Variants in BSPRY observed in about 807,000 individuals in gnomAD.
The protein encoded by BSPRY is B-box and SPRY domain containing.
In BSPRY, 33 loss-of-function variants were observed where a neutral mutation model predicts 38.0. The observed-to-expected ratio is 0.87, with a 90% CI of 0.66 to 1.16. BSPRY has a LOEUF of 1.16. Among genes scored for constraint, BSPRY ranks in the 50% most tolerant of loss-of-function variants. BSPRY has a pLI of 0.00. For missense variants in BSPRY, 523 were observed against 533.2 expected (o/e 0.98, Z 0.19); for synonymous variants, 224 against 228.5 (o/e 0.98, Z 0.18).
intron 3 of BSPRY, 66 bp downstream of exon 3, chr9:113,360,803 G>C: frequency 1.5e-6 from 2 of 1,328,372 alleles, no homozygotes; most frequent in South Asian, 1.3e-5. Context: ...AAAATATCGA[G>C]AATGTTTGTC....
intron 2 of BSPRY, among the ~76,000 whole-genome samples, chr9:113,358,174 G>A (rs1166306290): frequency 6.6e-6 from 1 of 151,030 alleles, no homozygotes; most frequent in African/African-American, 2.4e-5. Context: ...CTTGAGCCTA[G>A]GAGTTTGAGG....
In BSPRY at chr9:113,362,923, G is replaced by A. The variant is rs972132277; in HGVS notation, c.557+529G>A. Among the ~76,000 whole-genome samples, 5 of 152,162 alleles carry A rather than the reference G, an allele frequency of 3.3e-5. No homozygotes were observed. The East Asian group carries it at 7.7e-4, about 23-fold the overall frequency. On this transcript the variant is annotated intron_variant, in intron 4 of 5. Coordinates refer to ENST00000374183, the MANE Select transcript of BSPRY (RefSeq NM_017688.3). ...TGCCTGAGTTCTAAAAGAGCTGAGGGCCTGAGGAAGTGGCCAAGAGGACAT... is the reference window on the plus strand; with the variant it reads ...TGCCTGAGTTCTAAAAGAGCTGAGGACCTGAGGAAGTGGCCAAGAGGACAT...
chr9:113,356,613 A>G (rs1342959516), intron 2 of BSPRY, among the ~76,000 whole-genome samples: 1 of 152,232 alleles, frequency 6.6e-6, no homozygotes, highest in Non-Finnish European at 1.5e-5. Context: ...TCCAGGTGGG[A>G]AACAAGTGTG....
intron 3 of BSPRY, 108 bp downstream of exon 3, chr9:113,360,845 G>A: frequency 1.0e-6 from 1 of 954,114 alleles, no homozygotes; most frequent in Non-Finnish European, 1.6e-6. Context: ...AGAATTTGGA[G>A]CAGGGATGAG....
At position 113,360,619 on chromosome 9, in the gene BSPRY, G is replaced by A. The variant is rs757298690; in HGVS notation, c.413G>A (p.Arg138Gln). ...LLEQVHGEEERAHQSILTQRV... is the reference protein window; with the variant it reads ...LLEQVHGEEEQAHQSILTQRV... ...GAACAGGTGCATGGCGAAGAGGAGC[G>A]GGCCCACCAGAGCATCCTGACACAG... is the stretch of plus-strand genomic sequence containing the variant. The change falls in exon 3 of 6, where the codon CGG becomes CAG. Residue 138 changes from arginine (R) to glutamine (Q), a missense_variant. By Grantham distance (43) the Arg-to-Gln change is conservative. Coordinates refer to ENST00000374183, the MANE Select transcript of BSPRY (RefSeq NM_017688.3). 4.0e-5 allele frequency: 64 copies of A among 1,608,656 alleles called. No homozygotes were observed. The highest frequency in any genetic ancestry group is 5.2e-5 in the Non-Finnish European group (61 of 1,178,680).
chr9:113,360,655 G>T lies in BSPRY; in HGVS notation c.449G>T (p.Trp150Leu), dbSNP rs1352000263. 6.2e-7 allele frequency: 1 copy of T among 1,608,840 alleles called. No homozygotes were observed. The highest frequency in any genetic ancestry group is 8.5e-7 in the Non-Finnish European group (1 of 1,178,614). Reference protein sequence around the residue: ...HQSILTQRVHWAEALQKLDTI... With the variant: ...HQSILTQRVHLAEALQKLDTI... ...AGCATCCTGACACAGCGGGTGCACT[G>T]GGCCGAGGCGCTGCAGAAACTTGAC... is the stretch of plus-strand genomic sequence containing the variant. The change falls in exon 3 of 6, where the codon TGG (tryptophan) becomes TTG (leucine). Residue 150 changes from tryptophan to leucine, a missense_variant. Coordinates refer to ENST00000374183, the MANE Select transcript of BSPRY (RefSeq NM_017688.3).
At chr9:113,357,266 A>G (rs998617634) in intron 2 of BSPRY, among the ~76,000 whole-genome samples, 1 of 152,348 alleles carries the variant, frequency 6.6e-6, no homozygotes, top group South Asian at 2.1e-4. Context: ...TAACTATCTT[A>G]TCACAGGCAT....
chr9:113,350,508 C>T (rs1833955350), intron 1 of BSPRY, among the ~76,000 whole-genome samples: 3 of 152,144 alleles, frequency 2.0e-5, no homozygotes, highest in African/African-American at 7.2e-5. Flanking sequence ...GGGTGGCCAC[C>T]TCCTTGTCAT....
intron 3 of BSPRY, 125 bp downstream of exon 3, chr9:113,360,862 A>C: frequency 1.2e-6 from 1 of 862,474 alleles, no homozygotes; most frequent in Non-Finnish European, 1.8e-6. Flanking sequence ...TGAGTGACAA[A>C]GATTCTTTGC....
At chr9:113,352,009 C>T (rs1487354860) in intron 1 of BSPRY, among the ~76,000 whole-genome samples, 2 of 152,028 alleles carry the variant, frequency 1.3e-5, no homozygotes, top group Non-Finnish European at 2.9e-5. Flanking sequence ...TGGGGTTTCA[C>T]CACGTTGGCC....
intron 3 of BSPRY, among the ~76,000 whole-genome samples, chr9:113,361,615 G>C (rs1177176502): frequency 6.6e-6 from 1 of 152,174 alleles, no homozygotes; most frequent in East Asian, 1.9e-4. Context: ...CGACTTAGAA[G>C]CTGATGCCTG....
rs1337394305 is a variant in BSPRY at position 113,370,089 on chromosome 9, C to T, written c.1156C>T (p.Pro386Ser). ...TGCCCATCATGTGTCCTTCCCGGGG[C>T]CCCTCTTCCCAGTCTTTGCTGTGGC... is the stretch of plus-strand genomic sequence containing the variant. ...LCAHHVSFPGPLFPVFAVADQ... is the reference protein window; with the variant it reads ...LCAHHVSFPGSLFPVFAVADQ... Residue 386 changes from proline to serine, a missense_variant, in exon 6 of 6, where the codon CCC (proline) becomes TCC (serine). By Grantham distance (74) the Pro-to-Ser change is moderately conservative. Transcript: ENST00000374183. This position sits in a 1 kb window ranked among gnomAD's most constrained non-coding sequence, Gnocchi z 4.8. The T allele has an allele frequency of 3.1e-6, 5 of 1,608,046 alleles. No individual in the cohort carries two copies. The highest frequency in any genetic ancestry group is 4.2e-6 in the Non-Finnish European group (5 of 1,177,312).
chr9:113,358,012 C>T (rs1410789847), intron 2 of BSPRY, among the ~76,000 whole-genome samples: 1 of 144,214 alleles, frequency 6.9e-6, no homozygotes, highest in East Asian at 2.2e-4. Context: ...TTTGGGAGGC[C>T]AAGGCCAGGA....
chr9:113,359,124 A>T (rs759750166), intron 2 of BSPRY, among the ~76,000 whole-genome samples: 64 of 152,312 alleles, frequency 4.2e-4, no homozygotes, highest in Non-Finnish European at 6.8e-4. Flanking sequence ...TGTTCTACTT[A>T]CTTTATATAT....
intron 1 of BSPRY, among the ~76,000 whole-genome samples, chr9:113,353,035 G>A (rs1010559773): frequency 9.2e-5 from 14 of 152,218 alleles, no homozygotes; most frequent in African/African-American, 3.1e-4. Context: ...AGAACAGAAG[G>A]TATGGACAGT....
intron 4 of BSPRY, among the ~76,000 whole-genome samples, chr9:113,364,757 C>T (rs563759296): frequency 6.6e-6 from 1 of 152,068 alleles, no homozygotes; most frequent in East Asian, 1.9e-4. Context: ...CAGCATGTTT[C>T]TCCTAGAAAC....
At chr9:113,360,397 C>A in intron 2 of BSPRY, 110 bp from the exon 3 acceptor site, 3 of 1,000,832 alleles carry the variant, frequency 3.0e-6, no homozygotes, top group Admixed American at 2.2e-5. Context: ...AAGCCCGTGG[C>A]AGACATTGCT....
intron 1 of BSPRY, among the ~76,000 whole-genome samples, chr9:113,351,766 C>T (rs1833975852): frequency 1.3e-5 from 2 of 151,756 alleles, no homozygotes; most frequent in South Asian, 4.2e-4. Context: ...TCAGCTTTCC[C>T]GTTTCTTTCT....
chr9:113,370,402 T>G lies in BSPRY; in HGVS notation c.*260T>G. Reference sequence around the variant, plus strand: ...CCACATAAAATACACTAACGATAGCTGATGAGCTAAAAAAAAAAAAAAAGT... The same window carrying G: ...CCACATAAAATACACTAACGATAGCGGATGAGCTAAAAAAAAAAAAAAAGT... On this transcript the variant is annotated 3_prime_UTR_variant, in exon 6 of 6. Transcript: ENST00000374183. The surrounding 1 kb of genome is among the most constrained non-coding windows in gnomAD (Gnocchi z 4.8). The G allele has an allele frequency of 3.1e-6, 1 of 322,412 alleles. No individual in the cohort carries two copies. The highest frequency in any genetic ancestry group is 5.5e-6 in the Non-Finnish European group (1 of 183,462). The allele number at this position is 322,412 out of a possible 1,614,324, so 20.0% of individuals were successfully genotyped here. A position where few individuals can be genotyped will look rare whatever the true frequency, so the allele number is the denominator to read the frequency against.
Sources: allele counts gnomAD v4.1 joint callset (sites outside exome capture counted in the v4.1 genomes callset), GRCh38; gene constraint gnomAD v4.1.1; non-coding constraint Gnocchi (gnomAD v3.1); transcripts MANE v1.5; gene names NCBI Gene and HGNC (gene_info 2026-07-23, HGNC 2026-07-21).